Variants in PCDH7 observed in about 807,000 individuals in gnomAD.
PCDH7 encodes protocadherin-7.
PCDH7 carries 17 observed loss-of-function variants against 58.9 expected under a neutral mutation model. That is an observed-to-expected ratio of 0.29 (90% CI 0.20 to 0.43). The LOEUF is 0.43. PCDH7 is among the 20% of genes least tolerant of loss of function. The pLI, the probability that PCDH7 is intolerant of heterozygous loss-of-function variation, is 1.00. For synonymous variants in PCDH7, 664 were observed against 616.4 expected (o/e 1.08, Z -1.14); for missense variants, 1,274 against 1,441.0 (o/e 0.88, Z 1.88).
intron 1 of PCDH7, among the ~76,000 whole-genome samples, chr4:30,827,037 G>A (rs1252709898): frequency 6.6e-6 from 1 of 152,100 alleles, no homozygotes; most frequent in Non-Finnish European, 1.5e-5. Flanking sequence ...TATAAACAAT[G>A]AGGATACATT....
At chr4:30,980,171 G>A (rs1260465200) in intron 3 of PCDH7, among the ~76,000 whole-genome samples, 4 of 152,070 alleles carry the variant, frequency 2.6e-5, no homozygotes, top group Non-Finnish European at 5.9e-5. Flanking sequence ...TTCACTTCAC[G>A]TATTACAAAT....
At chr4:31,047,999 G>A (rs550362333) in intron 3 of PCDH7, among the ~76,000 whole-genome samples, 20 of 151,970 alleles carry the variant, frequency 1.3e-4, no homozygotes, top group African/African-American at 4.1e-4. Flanking sequence ...TTACCTTATG[G>A]TTGCATAGTA....
intron 1 of PCDH7, among the ~76,000 whole-genome samples, chr4:30,867,969 A>G (rs1560450637): frequency 6.6e-6 from 1 of 152,094 alleles, no homozygotes. Context: ...AGAGGATGTC[A>G]TAAAACCTTT....
intron 3 of PCDH7, among the ~76,000 whole-genome samples, chr4:31,027,446 C>T (rs757933174): frequency 2.8e-4 from 42 of 151,566 alleles, no homozygotes; most frequent in South Asian, 6.4e-4. Context: ...TTATTTGAGA[C>T]GGAGTCTAGC....
At chr4:30,880,901 A>G (rs1474341329) in intron 1 of PCDH7, among the ~76,000 whole-genome samples, 2 of 152,126 alleles carry the variant, frequency 1.3e-5, no homozygotes, top group Non-Finnish European at 2.9e-5. Flanking sequence ...GGAGACTCAA[A>G]CAATGACATC....
chr4:30,871,879 T>C (rs986003184), intron 1 of PCDH7, among the ~76,000 whole-genome samples: 3 of 152,106 alleles, frequency 2.0e-5, no homozygotes, highest in Non-Finnish European at 4.4e-5. Flanking sequence ...CTCATTGGTT[T>C]GCAGCTGCAT....
intron 3 of PCDH7, among the ~76,000 whole-genome samples, chr4:31,054,055 TC>T (rs1756957775): frequency 1.3e-5 from 2 of 152,012 alleles, no homozygotes; most frequent in Non-Finnish European, 2.9e-5. Flanking sequence ...AACCTCTACC[TC>T]CCAGGCTCAA....
chr4:30,904,663 C>T (rs28532197), intron 1 of PCDH7, among the ~76,000 whole-genome samples: 4,165 of 152,224 alleles, frequency 0.027, 185 homozygotes, highest in African/African-American at 0.092. Flanking sequence ...CTGACTTGTA[C>T]TAAGTAATAA....
intron 2 of PCDH7, among the ~76,000 whole-genome samples, chr4:30,943,645 C>T (rs1200440145): frequency 6.6e-6 from 1 of 152,046 alleles, no homozygotes; most frequent in East Asian, 1.9e-4. Context: ...TTGTCCAACT[C>T]GTGGCCCAGG....
chr4:30,800,309 C>G (rs1364967509), intron 1 of PCDH7, among the ~76,000 whole-genome samples: 1 of 151,928 alleles, frequency 6.6e-6, no homozygotes, highest in Non-Finnish European at 1.5e-5. Flanking sequence ...CATGCAAACA[C>G]ATATATATAC....
At chr4:30,815,588 C>T (rs7356133) in intron 1 of PCDH7, among the ~76,000 whole-genome samples, 1,824 of 152,300 alleles carry the variant, frequency 0.012, 37 homozygotes, top group African/African-American at 0.041. Context: ...AGGACGCATG[C>T]GCGGTGTGTT....
intron 3 of PCDH7, among the ~76,000 whole-genome samples, chr4:31,117,069 G>T (rs376778744): frequency 1.3e-5 from 2 of 152,068 alleles, no homozygotes; most frequent in East Asian, 3.8e-4. Context: ...TGTATTTTTA[G>T]TAGAGACAGG....
intron 1 of PCDH7, among the ~76,000 whole-genome samples, chr4:30,880,294 A>G (rs534461669): frequency 6.6e-6 from 1 of 152,090 alleles, no homozygotes; most frequent in African/African-American, 2.4e-5. Flanking sequence ...AGAAAAAAAA[A>G]AAAACCCTCC....
chr4:30,947,116 A>C (rs922772988), intron 2 of PCDH7, among the ~76,000 whole-genome samples: 1 of 152,076 alleles, frequency 6.6e-6, no homozygotes, highest in African/African-American at 2.4e-5. Flanking sequence ...TTATTTTACT[A>C]AGTCCCACAG....
intron 3 of PCDH7, among the ~76,000 whole-genome samples, chr4:31,071,811 G>T (rs1364834625): frequency 3.3e-5 from 5 of 151,980 alleles, no homozygotes; most frequent in African/African-American, 9.7e-5. Flanking sequence ...CATTGAGAAA[G>T]CTTTTCCTGC....
intron 3 of PCDH7, among the ~76,000 whole-genome samples, chr4:31,002,863 C>G (rs1165946456): frequency 6.6e-6 from 1 of 152,124 alleles, no homozygotes; most frequent in African/African-American, 2.4e-5. Flanking sequence ...ATCATAATTC[C>G]CCTGCTGAGA....
chr4:30,901,315 A>G (rs527847723), intron 1 of PCDH7, among the ~76,000 whole-genome samples: 1 of 152,312 alleles, frequency 6.6e-6, no homozygotes, highest in East Asian at 1.9e-4. Flanking sequence ...AGGAATAAGT[A>G]TATATACCAA....
intron 1 of PCDH7, among the ~76,000 whole-genome samples, chr4:30,822,411 C>T (rs576865212): frequency 6.6e-5 from 10 of 152,094 alleles, no homozygotes; most frequent in Admixed American, 3.9e-4. Flanking sequence ...CATTAAACAG[C>T]GACAGCCTGG....
intron 3 of PCDH7, among the ~76,000 whole-genome samples, chr4:31,087,282 C>A (rs1712571131): frequency 1.3e-5 from 2 of 151,972 alleles, no homozygotes; most frequent in South Asian, 4.1e-4. Flanking sequence ...ACTTGGAATT[C>A]ATTGTGTTCC....
Sources: allele counts gnomAD v4.1 joint callset (sites outside exome capture counted in the v4.1 genomes callset), GRCh38; gene constraint gnomAD v4.1.1; transcripts MANE v1.5; gene names NCBI Gene and HGNC (gene_info 2026-07-23, HGNC 2026-07-21).